Variants in ARHGAP26 observed in about 807,000 individuals in gnomAD.
ARHGAP26 encodes Rho GTPase activating protein 26.
In ARHGAP26, 38 loss-of-function variants were observed where a neutral mutation model predicts 104.8. That is an observed-to-expected ratio of 0.36 (90% CI 0.28 to 0.48). The LOEUF (loss-of-function observed/expected upper bound fraction) is 0.48, where lower values mean the gene tolerates loss of function less well. Ranked by LOEUF, ARHGAP26 falls within the 20% of genes least tolerant of loss-of-function variation. ARHGAP26 has a pLI of 0.99. For missense variants in ARHGAP26, 704 were observed against 947.9 expected (o/e 0.74, Z 3.38); for synonymous variants, 341 against 340.0 (o/e 1.00, Z -0.03).
chr5:143,174,335 A>G (rs1803188078), intron 20 of ARHGAP26, among the ~76,000 whole-genome samples: 1 of 152,220 alleles, frequency 6.6e-6, no homozygotes, highest in African/African-American at 2.4e-5. Flanking sequence ...TGTTAAGGAA[A>G]ACAGTCAGGA....
At chr5:143,216,811 G>C (rs991387261) in intron 22 of ARHGAP26, 1 of 153,172 alleles carries the variant, frequency 6.5e-6, no homozygotes, top group African/African-American at 2.4e-5. Context: ...CTGAGTTGCA[G>C]TAGAAAATGG....
At chr5:142,788,266 G>A (rs1280265623) in intron 1 of ARHGAP26, among the ~76,000 whole-genome samples, 1 of 152,096 alleles carries the variant, frequency 6.6e-6, no homozygotes, top group African/African-American at 2.4e-5. Flanking sequence ...CTCCCAAAGT[G>A]CTGGGATTAC....
At chr5:142,831,682 C>T (rs1768469589) in intron 1 of ARHGAP26, among the ~76,000 whole-genome samples, 1 of 152,060 alleles carries the variant, frequency 6.6e-6, no homozygotes, top group Admixed American at 6.6e-5. Flanking sequence ...AACCTGCAGC[C>T]CCCACCCTCT....
At chr5:142,928,954 T>C (rs559855349) in intron 10 of ARHGAP26, among the ~76,000 whole-genome samples, 2 of 152,360 alleles carry the variant, frequency 1.3e-5, no homozygotes, top group Admixed American at 6.5e-5. Context: ...CTTTTTTTAT[T>C]TTGAGACGGA....
chr5:143,090,821 G>A (rs905741434), intron 17 of ARHGAP26, among the ~76,000 whole-genome samples: 9 of 152,172 alleles, frequency 5.9e-5, no homozygotes, highest in African/African-American at 2.2e-4. Context: ...TTACATTGGG[G>A]AGCAAGACTC....
chr5:143,133,920 C>T (rs1314820390), intron 18 of ARHGAP26, 47 bp from the exon 19 acceptor site: 1 of 1,548,210 alleles, frequency 6.5e-7, no homozygotes, highest in Non-Finnish European at 8.8e-7. Flanking sequence ...CTGTTTTCTT[C>T]CCAGTCCACA....
chr5:142,771,887 G>A (rs1017064129), intron 1 of ARHGAP26, among the ~76,000 whole-genome samples: 1 of 152,218 alleles, frequency 6.6e-6, no homozygotes, highest in Non-Finnish European at 1.5e-5. Flanking sequence ...AGGGATGAGT[G>A]CTTTGGATTG....
chr5:142,941,196 A>G (rs1766299954), intron 11 of ARHGAP26, among the ~76,000 whole-genome samples: 1 of 150,948 alleles, frequency 6.6e-6, no homozygotes, highest in South Asian at 2.1e-4. Context: ...ACTGCTTTCC[A>G]CAATGGTTGA....
intron 17 of ARHGAP26, among the ~76,000 whole-genome samples, chr5:143,062,607 TC>T (rs1294726116): frequency 6.6e-6 from 1 of 151,890 alleles, no homozygotes; most frequent in Non-Finnish European, 1.5e-5. Context: ...TATTCATATT[TC>T]TTTAATGATC....
At chr5:142,927,509 T>G (rs1387586986) in intron 10 of ARHGAP26, among the ~76,000 whole-genome samples, 2 of 152,206 alleles carry the variant, frequency 1.3e-5, no homozygotes. Context: ...AGTTGACTCT[T>G]TTTTTAAAAA....
intron 1 of ARHGAP26, among the ~76,000 whole-genome samples, chr5:142,820,586 C>G (rs1373228723): frequency 1.3e-5 from 2 of 152,180 alleles, no homozygotes; most frequent in Admixed American, 1.3e-4. Flanking sequence ...TGGCCTCCAG[C>G]ATGGTTCTCA....
In ARHGAP26 at chr5:142,871,852, G is replaced by C. The variant is rs1254569485; in HGVS notation, c.155-1548G>C. ...TCTGTGAAAGTGACTGAACGAGGGA[G>C]AGATCGGAGACTGTTGGCTCCTGTG... On this transcript the variant is annotated intron_variant, in intron 1 of 22. Transcript: ENST00000645722. This position sits in a 1 kb window ranked among gnomAD's most constrained non-coding sequence, Gnocchi z 4.1. 6.6e-6 allele frequency among the ~76,000 whole-genome samples: 1 copy of C among 152,248 alleles called. No homozygotes were observed. Among genetic ancestry groups the C allele is most frequent in the African/African-American group, 2.4e-5 (1 of 41,474 alleles).
chr5:143,137,956 T>A (rs1484861293), intron 19 of ARHGAP26, among the ~76,000 whole-genome samples: 2 of 152,256 alleles, frequency 1.3e-5, no homozygotes. Flanking sequence ...CTCCTCAGGC[T>A]CAGGCCTCTG....
At chr5:143,041,740 AAG>A (rs1783501644) in intron 13 of ARHGAP26, 74 bp from the exon 14 acceptor site, 3 of 1,081,052 alleles carry the variant, frequency 2.8e-6, no homozygotes, top group South Asian at 3.1e-5. Flanking sequence ...AAAAAAAAAA[AAG>A]TGCATTTGGC....
chr5:142,771,923 G>A (rs996166491), intron 1 of ARHGAP26, among the ~76,000 whole-genome samples: 6 of 152,174 alleles, frequency 3.9e-5, no homozygotes, highest in African/African-American at 1.4e-4. Flanking sequence ...TGCCTTTTCA[G>A]TCTCCCCATT....
chr5:142,784,275 A>G (rs1380969114), intron 1 of ARHGAP26, among the ~76,000 whole-genome samples: 6 of 152,214 alleles, frequency 3.9e-5, no homozygotes, highest in Non-Finnish European at 8.8e-5. Context: ...TTGGAGTGGA[A>G]CTGATAGCTT....
At chr5:142,877,060 G>A (rs114543421) in intron 3 of ARHGAP26, among the ~76,000 whole-genome samples, 4,352 of 152,258 alleles carry the variant, frequency 0.029, 91 homozygotes, top group Non-Finnish European at 0.044. Flanking sequence ...GGTGTGGCAA[G>A]CAAATCACCA....
intron 1 of ARHGAP26, among the ~76,000 whole-genome samples, chr5:142,806,048 T>G (rs2151987085): frequency 6.6e-6 from 1 of 152,344 alleles, no homozygotes; most frequent in East Asian, 1.9e-4. Context: ...GGTGTGTGTC[T>G]TATTCTTGGA....
At position 143,226,294 on chromosome 5, in the gene ARHGAP26, C is replaced by G. The variant is rs1197837316; in HGVS notation, c.*3848C>G. The G allele has an allele frequency of 5.7e-6, 1 of 175,668 alleles. No individual in the cohort carries two copies. The highest frequency in any genetic ancestry group is 6.3e-5 in the Admixed American group (1 of 15,786). 10.9% of individuals were successfully genotyped at this position (175,668 alleles called of 1,614,324 possible). A position where few individuals can be genotyped will look rare whatever the true frequency, so the allele number is the denominator to read the frequency against. ...CAGGAGATTGAGACCATCCTGGCTA[C>G]GACGGTGAAACCCCGTCTCTACTAA... is the stretch of plus-strand genomic sequence containing the variant. On this transcript the variant is annotated 3_prime_UTR_variant, in exon 23 of 23. Transcript: ENST00000645722.
Sources: allele counts gnomAD v4.1 joint callset (sites outside exome capture counted in the v4.1 genomes callset), GRCh38; gene constraint gnomAD v4.1.1; non-coding constraint Gnocchi (gnomAD v3.1); transcripts MANE v1.5; gene names NCBI Gene and HGNC (gene_info 2026-07-23, HGNC 2026-07-21).